The following CRB1 variants were observed in gnomAD, a reference collection of about 807,000 sequenced individuals.
The protein encoded by CRB1 is crumbs cell polarity complex component 1.
A neutral mutation model predicts 120.0 loss-of-function variants in CRB1; 83 were observed. That is an observed-to-expected ratio of 0.69 (90% CI 0.58 to 0.83). The LOEUF is 0.83. CRB1 is among the 40% of genes least tolerant of loss of function. The pLI is 0.00. For synonymous variants in CRB1, 625 were observed against 612.5 expected (o/e 1.02, Z -0.30); for missense variants, 1,699 against 1,687.6 (o/e 1.01, Z -0.12).
chr1:197,373,594 T>TA (rs1385222144), intron 5 of CRB1, among the ~76,000 whole-genome samples: 2 of 152,210 alleles, frequency 1.3e-5, no homozygotes, highest in African/African-American at 4.8e-5. Flanking sequence ...TTCCTGCCCA[T>TA]GGCCATATTT....
chr1:197,405,613 A>G (rs963715369), intron 5 of CRB1, among the ~76,000 whole-genome samples: 2 of 146,796 alleles, frequency 1.4e-5, no homozygotes, highest in Non-Finnish European at 3.0e-5. Context: ...CCCGGCCGCC[A>G]TCCCATCTAG....
chr1:197,276,580 G>A (rs1655221210), intron 1 of CRB1, among the ~76,000 whole-genome samples: 1 of 151,644 alleles, frequency 6.6e-6, no homozygotes, highest in African/African-American at 2.4e-5. Flanking sequence ...CTGGCAAAAA[G>A]TGCTATAGAA....
chr1:197,435,182 C>T lies in CRB1; in HGVS notation c.3319C>T (p.Leu1107Phe). ...TACAATAGAAATCGGAGGCATTTAT[C>T]TCTCTTACTTTGAAAATGTTCATGG... ...LSTIEIGGIY[L>F]SYFENVHGFI... The change falls in exon 9 of 12, where the codon CTC becomes TTC. Residue 1107 changes from leucine to phenylalanine, a missense_variant. By Grantham distance (22) the Leu-to-Phe change is conservative. Transcript: ENST00000367400. The T allele has an allele frequency of 6.2e-7, 1 of 1,613,920 alleles. No individual in the cohort carries two copies. The highest frequency in any genetic ancestry group is 8.5e-7 in the Non-Finnish European group (1 of 1,179,856).
At chr1:197,244,394 T>G in the CRB1 span, among the ~76,000 whole-genome samples, 3 of 152,098 alleles carry the variant, frequency 2.0e-5, no homozygotes, top group African/African-American at 7.2e-5. Context: ...TTAGAATGTC[T>G]TGGTATCTGT....
chr1:197,207,162 C>T, the CRB1 span, among the ~76,000 whole-genome samples: 20 of 152,070 alleles, frequency 1.3e-4, no homozygotes, highest in African/African-American at 4.1e-4. Context: ...AATTCTTATC[C>T]ATTCTGCCAT....
the CRB1 span, among the ~76,000 whole-genome samples, chr1:197,260,895 C>T: frequency 1.3e-5 from 2 of 152,194 alleles, no homozygotes; most frequent in African/African-American, 4.8e-5. Context: ...TAGGGTTTCA[C>T]CATATTGGCC....
the CRB1 span, among the ~76,000 whole-genome samples, chr1:197,226,853 G>A: frequency 6.6e-6 from 1 of 152,132 alleles, no homozygotes; most frequent in Admixed American, 6.5e-5. Context: ...TTCTTACATG[G>A]TGATGACAAG....
intron 1 of CRB1, among the ~76,000 whole-genome samples, chr1:197,285,903 G>T (rs1655796173): frequency 6.6e-6 from 1 of 151,866 alleles, no homozygotes; most frequent in Non-Finnish European, 1.5e-5. Context: ...AATTTATTTA[G>T]TTATTCTTTG....
chr1:197,429,987 T>G (rs1420472965), intron 8 of CRB1, among the ~76,000 whole-genome samples: 1 of 152,206 alleles, frequency 6.6e-6, no homozygotes, highest in East Asian at 1.9e-4. Flanking sequence ...TCATGTGATC[T>G]CCATCATCTA....
At chr1:197,234,857 TA>T in the CRB1 span, among the ~76,000 whole-genome samples, 1 of 152,250 alleles carries the variant, frequency 6.6e-6, no homozygotes, top group Non-Finnish European at 1.5e-5. Context: ...AGCAGTCAAT[TA>T]GGCCAGATAA....
At chr1:197,272,326 G>C (rs1654952505) in intron 1 of CRB1, among the ~76,000 whole-genome samples, 1 of 152,096 alleles carries the variant, frequency 6.6e-6, no homozygotes, top group African/African-American at 2.4e-5. Context: ...AATCTCATCA[G>C]TTTACAGTAA....
At chr1:197,312,643 T>C (rs1169803729) in intron 1 of CRB1, among the ~76,000 whole-genome samples, 1 of 152,078 alleles carries the variant, frequency 6.6e-6, no homozygotes, top group Non-Finnish European at 1.5e-5. Flanking sequence ...AGAAAAAATA[T>C]AATATGGCTA....
intron 5 of CRB1, among the ~76,000 whole-genome samples, chr1:197,399,433 A>G (rs767759270): frequency 4.6e-5 from 7 of 152,186 alleles, no homozygotes; most frequent in Admixed American, 2.6e-4. Context: ...GAAATCAAGT[A>G]GATATGAGTT....
intron 5 of CRB1, chr1:197,360,327 T>A (rs1349954948): frequency 2.0e-5 from 3 of 152,240 alleles, no homozygotes; most frequent in African/African-American, 7.2e-5. Context: ...GCTGTAACTT[T>A]CTTCTGCGGG....
intron 5 of CRB1, chr1:197,414,047 G>A (rs1253406998): frequency 4.8e-6 from 2 of 415,636 alleles, no homozygotes; most frequent in Non-Finnish European, 9.9e-6. Flanking sequence ...CATGCTTAGT[G>A]TTTTTAAGAT....
At chr1:197,354,723 C>CAA (rs1660342102) in intron 4 of CRB1, among the ~76,000 whole-genome samples, 1 of 147,240 alleles carries the variant, frequency 6.8e-6, no homozygotes, top group African/African-American at 2.5e-5. Context: ...TTTCAACAAG[C>CAA]AAAAGCACAA....
the CRB1 span, among the ~76,000 whole-genome samples, chr1:197,205,453 A>G: frequency 1.3e-5 from 2 of 152,314 alleles, no homozygotes; most frequent in Admixed American, 1.3e-4. Context: ...GGTTTCAATC[A>G]TAAAGGGATG....
chr1:197,221,706 A>T, the CRB1 span, among the ~76,000 whole-genome samples: 29 of 152,208 alleles, frequency 1.9e-4, no homozygotes, highest in Admixed American at 1.3e-3. Context: ...AGTTAAAAAA[A>T]AATAATAAAG....
intron 2 of CRB1, among the ~76,000 whole-genome samples, chr1:197,338,425 A>G (rs1659274979): frequency 1.3e-5 from 2 of 152,212 alleles, no homozygotes; most frequent in Admixed American, 6.5e-5. Flanking sequence ...CAAACAGACA[A>G]CTGTAATCAT....
Sources: allele counts gnomAD v4.1 joint callset (sites outside exome capture counted in the v4.1 genomes callset), GRCh38; gene constraint gnomAD v4.1.1; transcripts MANE v1.5; gene names NCBI Gene and HGNC (gene_info 2026-07-23, HGNC 2026-07-21).